Variants in SMURF1 observed in about 807,000 individuals in gnomAD.
SMURF1 encodes the protein SMAD specific E3 ubiquitin protein ligase 1.
Under a neutral mutation model 98.0 loss-of-function variants are expected in SMURF1, and 44 were observed. That is an observed-to-expected ratio of 0.45 (90% CI 0.35 to 0.58). SMURF1 has a LOEUF of 0.58. SMURF1 is among the 20% of genes least tolerant of loss of function. The pLI, the probability that SMURF1 is intolerant of heterozygous loss-of-function variation, is 0.00. For synonymous variants in SMURF1, 396 were observed against 374.9 expected, an observed-to-expected ratio of 1.06 and a Z score of -0.65; for missense variants, 687 against 938.4, an observed-to-expected ratio of 0.73 and a Z score of 3.50.
At chr7:99,095,375 C>T (rs1425036477) in intron 1 of SMURF1, among the ~76,000 whole-genome samples, 1 of 152,104 alleles carries the variant, frequency 6.6e-6, no homozygotes, top group East Asian at 1.9e-4. Flanking sequence ...CCACCGCAGG[C>T]GGACTGTTTT....
chr7:99,117,349 G>GTTTTT (rs1797481734), intron 1 of SMURF1, among the ~76,000 whole-genome samples: 2 of 151,186 alleles, frequency 1.3e-5, no homozygotes, highest in South Asian at 4.2e-4. Context: ...CGCTTTTTTT[G>GTTTTT]GTTTTGTTTT....
At position 99,120,163 on chromosome 7, in the gene SMURF1, C is replaced by T. The variant is rs10261038; in HGVS notation, c.55+23563G>A. 9.9e-3 allele frequency among the ~76,000 whole-genome samples: 1,509 copies of T among 152,248 alleles called. 25 individuals carry two copies. The highest frequency in any genetic ancestry group is 0.034 in the African/African-American group (1,406 of 41,532). ...CATGTGATGCCTGCTCTCTGTCTTC[C>T]GCTATGATTGGAAACTTCCTGAGGC... On this transcript the variant is annotated intron_variant, in intron 1 of 17. Coordinates refer to ENST00000361368, the MANE Select transcript of SMURF1 (RefSeq NM_181349.3).
chr7:99,134,148 G>A (rs1243997321), intron 1 of SMURF1, among the ~76,000 whole-genome samples: 4 of 143,276 alleles, frequency 2.8e-5, no homozygotes, highest in African/African-American at 1.0e-4. Flanking sequence ...AAGGCTAAAC[G>A]TGCCTTATTT....
chr7:99,070,466 T>C (rs980370002), intron 1 of SMURF1, among the ~76,000 whole-genome samples: 7 of 152,228 alleles, frequency 4.6e-5, no homozygotes, highest in African/African-American at 1.7e-4. Context: ...TGCGGCATCA[T>C]CATAGCTCTT....
chr7:99,062,777 G>T (rs1292322600), intron 1 of SMURF1, among the ~76,000 whole-genome samples: 1 of 152,078 alleles, frequency 6.6e-6, no homozygotes, highest in African/African-American at 2.4e-5. Flanking sequence ...AAACCCGGGA[G>T]GCAGAGGTTG....
In SMURF1 at chr7:99,033,116, T is replaced by C. The variant is rs904254678; in HGVS notation, c.2017A>G (p.Thr673Ala). 6 of 1,576,414 alleles carry C rather than the reference T, an allele frequency of 3.8e-6. No individual in the cohort carries two copies. In the African/African-American group the frequency reaches 8.1e-5, roughly 21 times the overall value. Reference sequence around the variant, plus strand: ...AACAGCCGGGGCCCTGCCGCGCCTGTAGAACCTTACAAGACAACATTCTAG... The same window carrying C: ...AACAGCCGGGGCCCTGCCGCGCCTGCAGAACCTTACAAGACAACATTCTAG... ...LQGFKALQGS[T>A]GAAGPRLFTI... Residue 673 changes from threonine (T) to alanine (A), a missense_variant, in exon 17 of 18, where the codon ACA (threonine) becomes GCA (alanine). By Grantham distance (58) the Thr-to-Ala change is moderately conservative. This residue lies in a region of SMURF1 where 272 missense variants were observed against 430.0 expected (regional missense o/e 0.63). Transcript: ENST00000361368.
chr7:99,035,447 T>G (rs1207452128), intron 16 of SMURF1, 68 bp downstream of exon 16: 1 of 1,570,310 alleles, frequency 6.4e-7, no homozygotes, highest in East Asian at 2.3e-5. Flanking sequence ...CCCAGCCACC[T>G]TCCAGCTCTT....
rs762435465 is a variant in SMURF1, at chr7:99,049,613, A to G, written c.903T>C (p.His301=). 6.2e-7 allele frequency: 1 copy of G among 1,614,190 alleles called. No individual in the cohort carries two copies. Among genetic ancestry groups the G allele is most frequent in the Non-Finnish European group, 8.5e-7 (1 of 1,180,012 alleles). The change falls in exon 9 of 18, where the codon CAT becomes CAC. Residue 301 remains histidine, a synonymous_variant. Transcript: ENST00000361368. ...TVSGRIYFVD[H]NNRTTQFTDP... Reference sequence around the variant, plus strand: ...CTGTAAACTGGGTTGTTCGGTTATTATGATCTACAAAATATATCCTCCCAG... The same window carrying G: ...CTGTAAACTGGGTTGTTCGGTTATTGTGATCTACAAAATATATCCTCCCAG...
At chr7:99,113,708 C>G (rs1055478546) in intron 1 of SMURF1, among the ~76,000 whole-genome samples, 1 of 151,468 alleles carries the variant, frequency 6.6e-6, no homozygotes, top group African/African-American at 2.4e-5. Flanking sequence ...GGTGTGGTGG[C>G]GGGGCCTGTG....
At chr7:99,059,944 T>A (rs1227420697) in intron 3 of SMURF1, among the ~76,000 whole-genome samples, 2 of 150,948 alleles carry the variant, frequency 1.3e-5, no homozygotes. Flanking sequence ...AGGTAGAAAC[T>A]ACAACTAGGT....
At chr7:99,143,679 C>CGGGCGAGG (rs1798198934) in intron 1 of SMURF1, 47 bp downstream of exon 1, 1 of 1,448,042 alleles carries the variant, frequency 6.9e-7, no homozygotes, top group Non-Finnish European at 9.2e-7. Context: ...AATTCCGGGG[C>CGGGCGAGG]GGGCGAGGGG....
intron 1 of SMURF1, among the ~76,000 whole-genome samples, chr7:99,100,766 TAAAAC>T (rs779982876): frequency 2.0e-5 from 3 of 152,158 alleles, no homozygotes; most frequent in Non-Finnish European, 2.9e-5. Flanking sequence ...AACTGAGACT[TAAAAC>T]AGAAGACTAG....
chr7:99,040,805 T>G (rs1204707462), intron 12 of SMURF1, among the ~76,000 whole-genome samples: 1 of 152,198 alleles, frequency 6.6e-6, no homozygotes, highest in Non-Finnish European at 1.5e-5. Flanking sequence ...GCCATATAAC[T>G]GGCAGAGGAG....
intron 1 of SMURF1, among the ~76,000 whole-genome samples, chr7:99,120,962 G>A (rs534149462): frequency 2.6e-5 from 4 of 151,362 alleles, no homozygotes; most frequent in African/African-American, 9.7e-5. Flanking sequence ...TTTAGGGAAA[G>A]AAACAGTGAA....
chr7:99,063,021 T>C (rs1453357767), intron 1 of SMURF1, among the ~76,000 whole-genome samples: 2 of 151,616 alleles, frequency 1.3e-5, no homozygotes, highest in African/African-American at 4.9e-5. Flanking sequence ...GGTGCTTTTG[T>C]CTTTTGTACT....
intron 1 of SMURF1, among the ~76,000 whole-genome samples, chr7:99,139,662 A>G (rs542619478): frequency 6.6e-6 from 1 of 152,314 alleles, no homozygotes; most frequent in Admixed American, 6.5e-5. Context: ...GTGAACTCCA[A>G]TGACTACAAG....
chr7:99,063,774 T>C (rs1289535628), intron 1 of SMURF1, among the ~76,000 whole-genome samples: 2 of 136,438 alleles, frequency 1.5e-5, no homozygotes, highest in African/African-American at 4.9e-5. Context: ...GGTTTATCAA[T>C]ATACTTTTTT....
intron 11 of SMURF1, 52 bp from the exon 12 acceptor site, chr7:99,042,284 T>G (rs754896417): frequency 7.4e-7 from 1 of 1,353,386 alleles, no homozygotes. Flanking sequence ...TTTCTACATT[T>G]TTTTTTTTTC....
intron 1 of SMURF1, among the ~76,000 whole-genome samples, chr7:99,085,179 C>T (rs1224855679): frequency 1.3e-5 from 2 of 151,710 alleles, no homozygotes; most frequent in African/African-American, 4.8e-5. Flanking sequence ...GGCTAAACCC[C>T]GTCTCTACTA....
Sources: gnomAD v4.1 joint callset for allele counts (sites outside exome capture counted in the v4.1 genomes callset) on GRCh38, gnomAD v4.1.1 for gene constraint, gnomAD v4.1.1 regional missense constraint, MANE v1.5 for transcripts, NCBI Gene and HGNC (gene_info 2026-07-23, HGNC 2026-07-21) for gene names.